CUL4A: variants seen among roughly 807,000 people sequenced by gnomAD.
The protein encoded by CUL4A is cullin-4A.
Under a neutral mutation model 95.5 loss-of-function variants are expected in CUL4A, and 16 were observed. The ratio of observed to expected loss-of-function variants is 0.17; its 90% CI spans 0.11 to 0.25. The LOEUF is 0.25. Among genes scored for constraint, CUL4A ranks in the 10% least tolerant of loss-of-function variants. The pLI is 1.00. For synonymous variants in CUL4A, 380 were observed against 353.1 expected (o/e 1.08, Z -0.85); for missense variants, 610 against 937.0 (o/e 0.65, Z 4.56).
chr13:113,230,803 C>T (rs2041284719), intron 5 of CUL4A, among the ~76,000 whole-genome samples: 1 of 152,036 alleles, frequency 6.6e-6, no homozygotes, highest in Admixed American at 6.6e-5. Context: ...CAGGGTCTCA[C>T]TCTGTTACCC....
chr13:113,246,220 A>G (rs2041853115), intron 15 of CUL4A, among the ~76,000 whole-genome samples, 157 bp downstream of exon 15: 1 of 152,234 alleles, frequency 6.6e-6, no homozygotes, highest in Admixed American at 6.5e-5. Flanking sequence ...TGTGCTTGAG[A>G]AAGTGACCAC....
intron 15 of CUL4A, among the ~76,000 whole-genome samples, chr13:113,250,843 G>C (rs189305876): frequency 2.0e-5 from 3 of 151,954 alleles, no homozygotes; most frequent in Non-Finnish European, 4.4e-5. Flanking sequence ...CGATGATATC[G>C]TGCCTGGGAT....
intron 15 of CUL4A, among the ~76,000 whole-genome samples, chr13:113,246,399 G>A (rs1006130904): frequency 4.6e-5 from 7 of 152,184 alleles, no homozygotes; most frequent in African/African-American, 7.2e-5. Flanking sequence ...CTTGGGAATG[G>A]CATTATTTAG....
intron 10 of CUL4A, among the ~76,000 whole-genome samples, chr13:113,241,445 C>T (rs2041705886): frequency 1.3e-5 from 2 of 151,996 alleles, no homozygotes; most frequent in African/African-American, 4.8e-5. Context: ...AGAGGTAAGT[C>T]CCTCCCACAC....
At chr13:113,220,740 T>G (rs2040865931) in intron 3 of CUL4A, among the ~76,000 whole-genome samples, 1 of 152,206 alleles carries the variant, frequency 6.6e-6, no homozygotes, top group Non-Finnish European at 1.5e-5. Context: ...TTGACTAATG[T>G]GCCATCAGTT....
intron 5 of CUL4A, among the ~76,000 whole-genome samples, chr13:113,232,840 C>T (rs932504185): frequency 2.0e-5 from 3 of 152,074 alleles, no homozygotes; most frequent in Admixed American, 6.5e-5. Context: ...GGTCGTGGTG[C>T]CCAACTGCCT....
At chr13:113,254,823 C>T in intron 17 of CUL4A, 25 bp downstream of exon 17, 3 of 1,594,078 alleles carry the variant, frequency 1.9e-6, no homozygotes, top group Non-Finnish European at 2.6e-6. Flanking sequence ...GAGTGCATAG[C>T]TCCATGAGTT....
chr13:113,208,367 G>A (rs1320047747), upstream of CUL4A: 7 of 1,432,982 alleles, frequency 4.9e-6, no homozygotes, highest in Admixed American at 2.8e-5. Context: ...ACGACTCCGC[G>A]ATCCACGGAC....
chr13:113,231,975 TACTACC>T (rs1258227217), intron 5 of CUL4A, among the ~76,000 whole-genome samples: 1 of 144,250 alleles, frequency 6.9e-6, no homozygotes, highest in African/African-American at 2.8e-5. Flanking sequence ...TTATTAATAA[TACTACC>T]ACCACCACCC....
chr13:113,255,219 A>T, intron 18 of CUL4A, 94 bp downstream of exon 18: 1 of 838,048 alleles, frequency 1.2e-6, no homozygotes, highest in African/African-American at 1.7e-5. Flanking sequence ...GGCCTGAAGC[A>T]CATTTCTACA....
intron 2 of CUL4A, among the ~76,000 whole-genome samples, chr13:113,214,277 T>C (rs2040562995): frequency 6.6e-6 from 1 of 152,156 alleles, no homozygotes; most frequent in African/African-American, 2.4e-5. Context: ...TAGAGGAGAA[T>C]GTTGTGAAGG....
At chr13:113,263,424 G>C in intron 19 of CUL4A, 63 bp from the exon 20 acceptor site, 1 of 855,704 alleles carries the variant, frequency 1.2e-6, no homozygotes, top group Non-Finnish European at 1.9e-6. Flanking sequence ...TATACCCCTT[G>C]TATGTAAATG....
chr13:113,247,279 C>T (rs1420708401), intron 15 of CUL4A, among the ~76,000 whole-genome samples: 1 of 152,166 alleles, frequency 6.6e-6, no homozygotes, highest in African/African-American at 2.4e-5. Context: ...GACAGACCCC[C>T]AAACTCTTAT....
intron 1 of CUL4A, 45 bp downstream of exon 1, chr13:113,209,820 A>AC: frequency 9.5e-7 from 1 of 1,049,832 alleles, no homozygotes; most frequent in Non-Finnish European, 1.1e-6. Context: ...CCGGGCGGGG[A>AC]CCCCACGAGA....
rs2041847101 is a variant in CUL4A at position 113,245,989 on chromosome 13, G to A, written c.1564G>A (p.Asp522Asn). ...GAATCAGAGTGACTCAGGCCCTATA[G>A]ACCTCACAGTGAACATACTCACAAT... ...MQNQSDSGPI[D>N]LTVNILTMGY... The change falls in exon 15 of 20, where the codon GAC (aspartate) becomes AAC (asparagine). Residue 522 changes from aspartate to asparagine, a missense_variant. Transcript: ENST00000375440. 6.2e-7 allele frequency: 1 copy of A among 1,613,956 alleles called. No individual in the cohort carries two copies. Among genetic ancestry groups the A allele is most frequent in the East Asian group, 2.2e-5 (1 of 44,886 alleles).
intron 16 of CUL4A, among the ~76,000 whole-genome samples, chr13:113,253,713 TTAA>T (rs375101873): frequency 1.1e-4 from 17 of 152,348 alleles, no homozygotes; most frequent in African/African-American, 3.8e-4. Context: ...GGAACTCATC[TTAA>T]TAAGACATTT....
At chr13:113,244,874 C>T (rs1760687421) in intron 12 of CUL4A, 75 bp from the exon 13 acceptor site, 1 of 934,284 alleles carries the variant, frequency 1.1e-6, no homozygotes, top group Admixed American at 2.1e-5. Flanking sequence ...GGGTTTTCAG[C>T]AGTTGAAGTT....
chr13:113,208,208 T>C, upstream of CUL4A: 1 of 1,541,328 alleles, frequency 6.5e-7, no homozygotes, highest in Non-Finnish European at 8.7e-7. Flanking sequence ...TCCCGCATCC[T>C]GCTGGGAAAC....
chr13:113,256,560 G>T (rs2042124537), intron 18 of CUL4A, among the ~76,000 whole-genome samples: 1 of 152,156 alleles, frequency 6.6e-6, no homozygotes, highest in South Asian at 2.1e-4. Flanking sequence ...CCTGTTCTGA[G>T]CAGCCCAAAG....
Sources: gnomAD v4.1 joint callset for allele counts (sites outside exome capture counted in the v4.1 genomes callset) on GRCh38, gnomAD v4.1.1 for gene constraint, MANE v1.5 for transcripts, NCBI Gene and HGNC (gene_info 2026-07-23, HGNC 2026-07-21) for gene names.